The following RNF19A variants were observed in gnomAD, a reference collection of about 807,000 sequenced individuals.
RNF19A encodes E3 ubiquitin-protein ligase RNF19A.
A neutral mutation model predicts 75.7 loss-of-function variants in RNF19A; 32 were observed. The ratio of observed to expected loss-of-function variants is 0.42; its 90% CI spans 0.32 to 0.57. RNF19A has a LOEUF of 0.57. RNF19A is among the 20% of genes least tolerant of loss of function. The probability of loss-of-function intolerance (pLI) is 0.10; values close to 1 mark genes in which losing one functional copy is unlikely to be tolerated. For missense variants in RNF19A, 782 were observed against 1,036.3 expected, an observed-to-expected ratio of 0.75 and a Z score of 3.37; for synonymous variants, 335 against 345.2, an observed-to-expected ratio of 0.97 and a Z score of 0.33.
rs1819512133 is a variant in RNF19A at position 100,257,506 on chromosome 8, G to T, written c.*1050C>A. On this transcript the variant is annotated 3_prime_UTR_variant, in exon 10 of 10. Coordinates refer to ENST00000341084, the MANE Select transcript of RNF19A (RefSeq NM_183419.4). Reference sequence around the variant, plus strand: ...ACCTTTTGTACTTGGTACAAGTTCTGCACCGTGCTTTGATTTCATGGTTGG... The same window carrying T: ...ACCTTTTGTACTTGGTACAAGTTCTTCACCGTGCTTTGATTTCATGGTTGG... 6.5e-6 allele frequency: 1 copy of T among 152,770 alleles called. No individual in the cohort carries two copies. The highest frequency in any genetic ancestry group is 1.5e-5 in the Non-Finnish European group (1 of 68,174). 9.5% of individuals were successfully genotyped at this position (152,770 alleles called of 1,614,324 possible). A position where few individuals can be genotyped will look rare whatever the true frequency, so the allele number is the denominator to read the frequency against.
At chr8:100,268,388 G>A (rs1209616454) in intron 5 of RNF19A, among the ~76,000 whole-genome samples, 1 of 152,038 alleles carries the variant, frequency 6.6e-6, no homozygotes, top group Non-Finnish European at 1.5e-5. Flanking sequence ...AATAATTCAA[G>A]AACTGGCTAA....
chr8:100,262,800 G>A (rs985445067), intron 7 of RNF19A, among the ~76,000 whole-genome samples: 1 of 152,108 alleles, frequency 6.6e-6, no homozygotes, highest in Admixed American at 6.6e-5. Context: ...ACTAAGGGAA[G>A]GACAACGAAG....
chr8:100,278,473 T>C (rs1820627732), intron 2 of RNF19A, among the ~76,000 whole-genome samples: 1 of 152,210 alleles, frequency 6.6e-6, no homozygotes, highest in Non-Finnish European at 1.5e-5. Flanking sequence ...AAGAGTAAAA[T>C]GCTATAATCT....
At position 100,261,257 on chromosome 8, in the gene RNF19A, G is replaced by T. The variant is rs973377033; in HGVS notation, c.1682+285C>A. 6.6e-6 allele frequency among the ~76,000 whole-genome samples: 1 copy of T among 151,824 alleles called. No homozygotes were observed. The highest frequency in any genetic ancestry group is 2.4e-5 in the African/African-American group (1 of 41,304). The stretch of plus-strand genomic sequence containing the variant: ...CTACAGGTGCATGCCACCAAATCCG[G>T]CTAATTTTTTATATTTTTTTAGTAG... On this transcript the variant is annotated intron_variant, in intron 8 of 9. Coordinates refer to ENST00000341084, the MANE Select transcript of RNF19A (RefSeq NM_183419.4). This position sits in a 1 kb window ranked among gnomAD's most constrained non-coding sequence, Gnocchi z 4.4.
chr8:100,314,918 A>G (rs565381112), upstream of RNF19A, among the ~76,000 whole-genome samples: 1 of 152,182 alleles, frequency 6.6e-6, no homozygotes, highest in Non-Finnish European at 1.5e-5. The surrounding 1 kb of genome is among the most constrained non-coding windows in gnomAD (Gnocchi z 4.1). Flanking sequence ...AGCTATGCAC[A>G]TGACATGCCT....
In RNF19A at chr8:100,259,473, G is replaced by C. The variant is rs913436073; in HGVS notation, c.1827-227C>G. ...CACATTTATTGCTTATGCTGTTCTA[G>C]ACACTATGCTACCTTTTTTTAAAGA... On this transcript the variant is annotated intron_variant, in intron 9 of 9. Coordinates refer to ENST00000341084, the MANE Select transcript of RNF19A (RefSeq NM_183419.4). The surrounding 1 kb of genome is among the most constrained non-coding windows in gnomAD (Gnocchi z 4.5). Among the ~76,000 whole-genome samples, 1 of 152,126 alleles carries C rather than the reference G, an allele frequency of 6.6e-6. No homozygotes were observed. The highest frequency in any genetic ancestry group is 6.5e-5 in the Admixed American group (1 of 15,276).
intron 1 of RNF19A, among the ~76,000 whole-genome samples, chr8:100,326,450 T>C (rs577453254): frequency 8.6e-4 from 131 of 152,274 alleles, no homozygotes; most frequent in Non-Finnish European, 1.4e-3. Flanking sequence ...ATCAAAAATA[T>C]GCTGTATACT....
rs546999465 is a variant in RNF19A, at chr8:100,333,691, T to C, written c.-243+2417A>G. ...AACAATAGCTGGGCATGGTGGTGTC[T>C]CCTGTAGTCCTAGCTACTTAGGAGG... is the stretch of plus-strand genomic sequence containing the variant. On this transcript the variant is annotated intron_variant, in intron 1 of 3. Coordinates refer to the RNF19A transcript ENST00000519527. This position sits in a 1 kb window ranked among gnomAD's most constrained non-coding sequence, Gnocchi z 4.7. Among the ~76,000 whole-genome samples, 141 of 152,310 alleles carry C rather than the reference T, an allele frequency of 9.3e-4. No individual in the cohort carries two copies. The highest frequency in any genetic ancestry group is 3.0e-3 in the African/African-American group (124 of 41,562).
At chr8:100,305,620 G>A (rs564903963) in intron 1 of RNF19A, among the ~76,000 whole-genome samples, 2 of 152,274 alleles carry the variant, frequency 1.3e-5, no homozygotes, top group South Asian at 2.1e-4. Flanking sequence ...CTGCTGAAGA[G>A]ATAGTTATAA....
At chr8:100,304,352 G>A (rs892000839) in intron 1 of RNF19A, among the ~76,000 whole-genome samples, 12 of 152,150 alleles carry the variant, frequency 7.9e-5, no homozygotes, top group Non-Finnish European at 4.4e-5. Context: ...CTGCCTACCA[G>A]GTAACCACTG....
At chr8:100,298,493 T>G (rs944869558) in intron 1 of RNF19A, among the ~76,000 whole-genome samples, 1 of 152,184 alleles carries the variant, frequency 6.6e-6, no homozygotes, top group Non-Finnish European at 1.5e-5. Flanking sequence ...ACAAGTTCTT[T>G]AGAAAGTAAA....
intron 1 of RNF19A, among the ~76,000 whole-genome samples, chr8:100,328,176 C>T (rs1204780205): frequency 6.6e-6 from 1 of 152,164 alleles, no homozygotes; most frequent in Non-Finnish European, 1.5e-5. Flanking sequence ...GAAGACTCCA[C>T]CTTCTGCCAC....
chr8:100,307,256 G>C (rs914728103), intron 1 of RNF19A, among the ~76,000 whole-genome samples: 1 of 152,154 alleles, frequency 6.6e-6, no homozygotes, highest in African/African-American at 2.4e-5. Context: ...CCCGAGTAGA[G>C]AAGATATAAG....
rs1820922225 is a variant in RNF19A at position 100,284,419 on chromosome 8, T to C, written c.674+3082A>G. 6.6e-6 allele frequency among the ~76,000 whole-genome samples: 1 copy of C among 152,162 alleles called. No homozygotes were observed. Among genetic ancestry groups the C allele is most frequent in the South Asian group, 2.1e-4 (1 of 4,836 alleles). On this transcript the variant is annotated intron_variant, in intron 2 of 9. Transcript: ENST00000341084. The surrounding 1 kb of genome is among the most constrained non-coding windows in gnomAD (Gnocchi z 4.3). The stretch of plus-strand genomic sequence containing the variant: ...CTAACAGAGCAGTATAAGTCAAATA[T>C]AAAATAAAATACACAAAAGTAATCT...
upstream of RNF19A, chr8:100,309,966 C>T (rs1025746894): frequency 4.1e-6 from 4 of 985,266 alleles, no homozygotes; most frequent in African/African-American, 7.0e-5. Flanking sequence ...GGGAGGGTCC[C>T]TCCGATGCGC....
chr8:100,310,305 G>T (rs1164906122), upstream of RNF19A: 2 of 946,648 alleles, frequency 2.1e-6, no homozygotes, highest in East Asian at 1.2e-4. Flanking sequence ...CGCTGCACCC[G>T]GGTGGCCCCG....
chr8:100,275,198 TAAAAC>T lies in RNF19A; in HGVS notation c.675-42_675-38del. 1.3e-6 allele frequency: 2 copies of T among 1,571,196 alleles called. No individual in the cohort carries two copies. The highest frequency in any genetic ancestry group is 8.8e-7 in the Non-Finnish European group (1 of 1,142,160). On this transcript the variant is annotated intron_variant, in intron 2 of 9. Coordinates refer to ENST00000341084, the MANE Select transcript of RNF19A (RefSeq NM_183419.4). The surrounding 1 kb of genome is among the most constrained non-coding windows in gnomAD (Gnocchi z 4.3). ...AAGAAAAATGATTTAAAATGTGACA[TAAAAC>T]AAGAGATACTCATTTCAAAAAGTAT...
chr8:100,299,014 A>G (rs1478067209), intron 1 of RNF19A, among the ~76,000 whole-genome samples: 1 of 152,240 alleles, frequency 6.6e-6, no homozygotes, highest in African/African-American at 2.4e-5. Flanking sequence ...CAACTGGTTA[A>G]AACACACATT....
At chr8:100,310,760 ATT>A (rs10715614), upstream of RNF19A, among the ~76,000 whole-genome samples, 2 of 150,318 alleles carry the variant, frequency 1.3e-5, no homozygotes, top group African/African-American at 2.4e-5. Context: ...CTTTTATTTC[ATT>A]TTTTTTTTAC....
Sources: allele counts gnomAD v4.1 joint callset (sites outside exome capture counted in the v4.1 genomes callset), GRCh38; gene constraint gnomAD v4.1.1; non-coding constraint Gnocchi (gnomAD v3.1); transcripts MANE v1.5; gene names NCBI Gene and HGNC (gene_info 2026-07-23, HGNC 2026-07-21).